MYO7A: variants seen among roughly 807,000 people sequenced by gnomAD.
MYO7A encodes unconventional myosin-VIIa.
MYO7A carries 210 observed loss-of-function variants against 263.8 expected under a neutral mutation model. The ratio of observed to expected loss-of-function variants is 0.80; its 90% confidence interval spans 0.71 to 0.89. The LOEUF is 0.89. Among genes scored for constraint, MYO7A ranks in the 40% least tolerant of loss-of-function variants. MYO7A has a pLI of 0.00. For synonymous variants in MYO7A, 1,239 were observed against 1,197.3 expected (o/e 1.03, Z -0.72); for missense variants, 2,820 against 2,968.3 (o/e 0.95, Z 1.16).
chr11:77,159,398 C>T (rs782710165), intron 9 of MYO7A, 49 bp from the exon 10 acceptor site: 2 of 1,162,118 alleles, frequency 1.7e-6, no homozygotes, highest in Non-Finnish European at 2.6e-6. Flanking sequence ...CCCCTTGCCC[C>T]TGTTGCCCAC....
In MYO7A at chr11:77,194,495, GC is replaced by G. The variant is rs1555096223; in HGVS notation, c.4297del (p.Gln1433SerfsTer116). 6.2e-7 allele frequency: 1 copy of G among 1,606,076 alleles called. No homozygotes were observed. The highest frequency in any genetic ancestry group is 8.5e-7 in the Non-Finnish European group (1 of 1,176,518). On this transcript the variant is annotated frameshift_variant, in exon 32 of 49. Coordinates refer to ENST00000409709, the MANE Select transcript of MYO7A (RefSeq NM_000260.4). LOFTEE classifies it high-confidence loss of function. ...GCCCCTGAAGACGCTGGAGAAGTGG[GC>G]CCAGCTGGCCATCGCCGCCCACAAG... ...ITPLKTLEKW[A>X]QLAIAAHKKG... is the part of the protein sequence containing the mutation.
In MYO7A at chr11:77,162,860, A is replaced by G. The variant is rs782258583; in HGVS notation, c.1562A>G (p.Asp521Gly). Residue 521 changes from aspartate to glycine, a missense_variant, in exon 14 of 49, where the codon GAC becomes GGC. By Grantham distance (94) the Asp-to-Gly change is moderately conservative (BLOSUM62 -1). Coordinates refer to ENST00000409709, the MANE Select transcript of MYO7A (RefSeq NM_000260.4). ...TGCCCCTCCACTCCCCAGGGCACAG[A>G]CACCACCATGTTACACAAGCTGAAC... Reference protein sequence around the residue: ...DEESKFPKGTDTTMLHKLNSQ... With the variant: ...DEESKFPKGTGTTMLHKLNSQ... 1 of 1,613,718 alleles carries G rather than the reference A, an allele frequency of 6.2e-7. No homozygotes were observed. Among genetic ancestry groups the G allele is most frequent in the Non-Finnish European group, 8.5e-7 (1 of 1,179,808 alleles).
intron 44 of MYO7A, among the ~76,000 whole-genome samples, chr11:77,210,115 C>T (rs758307063): frequency 1.3e-5 from 2 of 152,252 alleles, no homozygotes; most frequent in African/African-American, 2.4e-5. Context: ...GTTATATTCT[C>T]TTACAGCACT....
chr11:77,180,234 G>A, intron 21 of MYO7A, 140 bp from the exon 22 acceptor site: 1 of 670,404 alleles, frequency 1.5e-6, no homozygotes, highest in South Asian at 1.9e-5. Flanking sequence ...GTGACCTAGA[G>A]AATTTCTTGA....
chr11:77,211,412 G>A (rs1169388648), intron 45 of MYO7A, 75 bp downstream of exon 45: 7 of 1,446,160 alleles, frequency 4.8e-6, no homozygotes, highest in African/African-American at 1.4e-5. Context: ...CAAGGGGGCA[G>A]ACACTGGCCA....
chr11:77,156,594 C>T (rs1952476926), intron 5 of MYO7A, 66 bp from the exon 6 acceptor site: 1 of 1,600,454 alleles, frequency 6.2e-7, no homozygotes, highest in Non-Finnish European at 8.5e-7. Context: ...GCAGCCTGGG[C>T]TGAGTTCCAG....
At position 77,181,766 on chromosome 11, in the gene MYO7A, AGTTTTTTTTTTT is replaced by A. The variant is rs1331156480; in HGVS notation, c.2905-172_2905-161del. 2.2e-4 allele frequency among the ~76,000 whole-genome samples: 19 copies of A among 85,872 alleles called. 2 individuals carry two copies. Among genetic ancestry groups the A allele is most frequent in the Admixed American group, 1.7e-3 (13 of 7,844 alleles). The allele number at this position is 85,872 out of a possible 152,430, so 56.3% of individuals were successfully genotyped here. ...CTGTCCCTCTCCAACGCCCTTCTCA[AGTTTTTTTTTTT>A]GTTTTTTTTTTTTTTTTTTTTTTTG... On this transcript the variant is annotated intron_variant, in intron 23 of 48. Coordinates refer to ENST00000409709, the MANE Select transcript of MYO7A (RefSeq NM_000260.4).
At position 77,205,485 on chromosome 11, in the gene MYO7A, A is replaced by G. The variant is rs727503331; in HGVS notation, c.5504A>G (p.Glu1835Gly). Residue 1835 changes from glutamate (E) to glycine (G), a missense_variant, in exon 40 of 49, where the codon GAG (glutamate) becomes GGG (glycine). Physicochemically the swap from Glu to Gly is moderately conservative, Grantham distance 98. Transcript: ENST00000409709. ...AGGTACAGCGAGGAGCGGGGTTGGG[A>G]GCTGCTCTGGCTGTGCACGGGCCTT... Reference protein sequence around the residue: ...HIRYSEERGWELLWLCTGLFP... With the variant: ...HIRYSEERGWGLLWLCTGLFP... 1 of 1,584,766 alleles carries G rather than the reference A, an allele frequency of 6.3e-7. No individual in the cohort carries two copies. Among genetic ancestry groups the G allele is most frequent in the Non-Finnish European group, 8.6e-7 (1 of 1,166,258 alleles).
In MYO7A at chr11:77,192,129, G is replaced by A. The variant is rs375066152; in HGVS notation, c.4003G>A (p.Ala1335Thr). The A allele has an allele frequency of 2.4e-5, 39 of 1,613,814 alleles. No homozygotes were observed. Among genetic ancestry groups the A allele is most frequent in the Non-Finnish European group, 2.5e-5 (30 of 1,179,906 alleles). ...QCEQYAKEQG[A>T]QERNAPWRLF... The stretch of plus-strand genomic sequence containing the variant: ...CGAGCAGTACGCCAAGGAGCAGGGC[G>A]CCCAGGAGCGCAACGCCCCCTGGAG... Residue 1335 changes from alanine to threonine, a missense_variant, in exon 31 of 49, where the codon GCC becomes ACC. Transcript: ENST00000409709.
At chr11:77,147,080 C>T (rs970926987) in intron 3 of MYO7A, among the ~76,000 whole-genome samples, 6 of 152,092 alleles carry the variant, frequency 3.9e-5, no homozygotes, top group Non-Finnish European at 1.5e-5. Flanking sequence ...TCAGCAAGCC[C>T]CAGGAAATAT....
At chr11:77,131,647 A>G (rs1230473635) in intron 2 of MYO7A, among the ~76,000 whole-genome samples, 3 of 152,124 alleles carry the variant, frequency 2.0e-5, no homozygotes, top group African/African-American at 7.2e-5. Flanking sequence ...GTCCTCCCTC[A>G]GGGGGCCTCT....
At position 77,203,105 on chromosome 11, in the gene MYO7A, C is replaced by A. The variant is rs886048681; in HGVS notation, c.5214C>A (p.Ala1738=). 2.0e-5 allele frequency: 31 copies of A among 1,549,252 alleles called. No homozygotes were observed. Among genetic ancestry groups the A allele is most frequent in the Non-Finnish European group, 2.6e-5 (30 of 1,147,110 alleles). The change falls in exon 38 of 49, where the codon GCC becomes GCA. Residue 1738 remains alanine (A), a synonymous_variant. Coordinates refer to ENST00000409709, the MANE Select transcript of MYO7A (RefSeq NM_000260.4). The stretch of plus-strand genomic sequence containing the variant: ...TGAGCCGTGTCATGGTGTCCAAGGC[C>A]CGAGGCAAGGACCGGCTGTGGAGCC... ...HTLSRVMVSK[A]RGKDRLWSHT...
intron 36 of MYO7A, among the ~76,000 whole-genome samples, 197 bp from the exon 37 acceptor site, chr11:77,202,103 C>G (rs983507094): frequency 6.6e-6 from 1 of 152,076 alleles, no homozygotes; most frequent in African/African-American, 2.4e-5. Flanking sequence ...GGGGAAGGGC[C>G]CTGAGCTCAG....
intron 27 of MYO7A, 82 bp downstream of exon 27, chr11:77,184,797 T>C: frequency 6.4e-7 from 1 of 1,561,482 alleles, no homozygotes; most frequent in Non-Finnish European, 8.7e-7. Flanking sequence ...AGCAAGAGAT[T>C]AAGCCAAGCA....
In MYO7A at chr11:77,204,018, C is replaced by T. The variant is rs187915546; in HGVS notation, c.5327-58C>T. On this transcript the variant is annotated intron_variant, in intron 38 of 48. Coordinates refer to ENST00000409709, the MANE Select transcript of MYO7A (RefSeq NM_000260.4). ...CAGGCCCTGTGGGAAGTGGGGCCTC[C>T]GGACCCCAGGCCAGTGCTCCCTCTA... 2.1e-4 allele frequency: 310 copies of T among 1,511,994 alleles called. 1 individual carries two copies. In the East Asian group the frequency reaches 7.2e-3, roughly 35 times the overall value. The allele number at this position is 1,511,994 out of a possible 1,614,324, so 93.7% of individuals were successfully genotyped here.
intron 13 of MYO7A, 36 bp from the exon 14 acceptor site, chr11:77,162,817 A>G: frequency 6.3e-7 from 1 of 1,598,416 alleles, no homozygotes; most frequent in Non-Finnish European, 8.6e-7. Flanking sequence ...CCCATGGAGG[A>G]GAGGGTGGGC....
Position 77,204,133 on chromosome 11 carries a change from T to G in MYO7A, c.5384T>G (p.Leu1795Arg). ...PSKRTRSVNE[L>R]TDQIFEGPLK... ...AAGAGGACACGCTCCGTCAACGAGC[T>G]CACCGACCAGATCTTTGAGGGTCCC... Residue 1795 changes from leucine (L) to arginine (R), a missense_variant, in exon 39 of 49, where the codon CTC (leucine) becomes CGC (arginine). Physicochemically the swap from Leu to Arg is moderately radical, Grantham distance 102 (BLOSUM62 -2). Coordinates refer to ENST00000409709, the MANE Select transcript of MYO7A (RefSeq NM_000260.4). 6.3e-7 allele frequency: 1 copy of G among 1,599,586 alleles called. No homozygotes were observed. Among genetic ancestry groups the G allele is most frequent in the South Asian group, 1.1e-5 (1 of 87,974 alleles).
chr11:77,175,010 G>C (rs570756245), intron 17 of MYO7A, 96 bp downstream of exon 17: 27 of 1,490,716 alleles, frequency 1.8e-5, no homozygotes, highest in Non-Finnish European at 2.5e-5. Flanking sequence ...GGCGGGGCTT[G>C]ACATCTGCTT....
intron 15 of MYO7A, 41 bp from the exon 16 acceptor site, chr11:77,172,707 G>A (rs1475009127): frequency 5.2e-6 from 8 of 1,545,742 alleles, no homozygotes; most frequent in East Asian, 2.4e-5. Context: ...ACTGGATGGG[G>A]CAGGCACAGC....
Sources: gnomAD v4.1 joint callset for allele counts (sites outside exome capture counted in the v4.1 genomes callset) on GRCh38, gnomAD v4.1.1 for gene constraint, MANE v1.5 for transcripts, NCBI Gene and HGNC (gene_info 2026-07-23, HGNC 2026-07-21) for gene names.